CAMTA1: variants seen among roughly 807,000 people sequenced by gnomAD.
CAMTA1 encodes calmodulin binding transcription activator 1.
In CAMTA1, 27 loss-of-function variants were observed where a neutral mutation model predicts 170.9. That is an observed-to-expected ratio of 0.16 (90% CI 0.12 to 0.22). The LOEUF (loss-of-function observed/expected upper bound fraction) is 0.22, where lower values mean the gene tolerates loss of function less well. CAMTA1 is among the 10% of genes least tolerant of loss of function. The probability of loss-of-function intolerance (pLI) is 1.00; values close to 1 mark genes in which losing one functional copy is unlikely to be tolerated. For synonymous variants in CAMTA1, 833 were observed against 891.5 expected, an observed-to-expected ratio of 0.93 and a Z score of 1.17; for missense variants, 1,619 against 2,217.2, an observed-to-expected ratio of 0.73 and a Z score of 5.42.
At chr1:7,052,084 G>T (rs1706474428) in intron 3 of CAMTA1, among the ~76,000 whole-genome samples, 1 of 140,640 alleles carries the variant, frequency 7.1e-6, no homozygotes, top group Non-Finnish European at 1.6e-5. Flanking sequence ...GGGGCGGGGG[G>T]GTGGGTATCC....
At chr1:7,021,006 C>T (rs78342053) in intron 3 of CAMTA1, among the ~76,000 whole-genome samples, 4,267 of 152,354 alleles carry the variant, frequency 0.028, 74 homozygotes, top group African/African-American at 0.044. Context: ...TGGGCCACCC[C>T]GGCCTCGGTG....
chr1:7,265,489 T>G (rs1574303374), intron 5 of CAMTA1, among the ~76,000 whole-genome samples: 1 of 152,078 alleles, frequency 6.6e-6, no homozygotes, highest in South Asian at 2.1e-4. Flanking sequence ...AATTTTTGTA[T>G]TTTTAGTAAA....
chr1:7,583,778 AG>A (rs113103041), intron 6 of CAMTA1, among the ~76,000 whole-genome samples: 1 of 152,088 alleles, frequency 6.6e-6, no homozygotes, highest in Non-Finnish European at 1.5e-5. Flanking sequence ...AGGAAGACAC[AG>A]GGGGGTTCAA....
intron 5 of CAMTA1, among the ~76,000 whole-genome samples, chr1:7,361,564 A>T (rs969382673): frequency 1.3e-5 from 2 of 152,192 alleles, no homozygotes; most frequent in African/African-American, 4.8e-5. Flanking sequence ...GAACCAGAAT[A>T]TCCAGGTCCT....
chr1:7,586,825 A>C lies in CAMTA1; in HGVS notation c.511-53575A>C, dbSNP rs573599007. Among the ~76,000 whole-genome samples the C allele has an allele frequency of 6.5e-4, 99 of 152,192 alleles. 1 individual carries two copies. Among genetic ancestry groups the C allele is most frequent in the African/African-American group, 2.3e-3 (95 of 41,484 alleles). ...GCTGTGCAGGGGTCATGTGGCTCCCACGGTGGCTGCGGTGGAACTGAGGTG... is the reference window on the plus strand; with the variant it reads ...GCTGTGCAGGGGTCATGTGGCTCCCCCGGTGGCTGCGGTGGAACTGAGGTG... On this transcript the variant is annotated intron_variant, in intron 6 of 22. Transcript: ENST00000303635.
At chr1:7,388,883 G>A (rs11120907) in intron 5 of CAMTA1, among the ~76,000 whole-genome samples, 1 of 152,172 alleles carries the variant, frequency 6.6e-6, no homozygotes, top group African/African-American at 2.4e-5. Flanking sequence ...CCAGAGCCAG[G>A]GTGTGCCCAG....
intron 3 of CAMTA1, among the ~76,000 whole-genome samples, chr1:7,023,411 C>T (rs1701635025): frequency 1.3e-5 from 2 of 152,218 alleles, no homozygotes; most frequent in Admixed American, 1.3e-4. Flanking sequence ...AATTACAAAG[C>T]AGACTAGCAA....
chr1:7,020,580 G>T (rs1701200168), intron 3 of CAMTA1, among the ~76,000 whole-genome samples: 2 of 152,358 alleles, frequency 1.3e-5, no homozygotes, highest in Non-Finnish European at 2.9e-5. Flanking sequence ...CAGATAAATT[G>T]ACAAATGATT....
At chr1:7,218,445 G>A (rs185828448) in intron 4 of CAMTA1, among the ~76,000 whole-genome samples, 54 of 152,262 alleles carry the variant, frequency 3.5e-4, no homozygotes, top group East Asian at 1.9e-3. Flanking sequence ...GTGCAGCGAA[G>A]TGCAGTTTCT....
Position 7,146,364 on chromosome 1 carries a change from G to A in CAMTA1, c.302+54993G>A, listed in dbSNP as rs1361499822. 6.6e-6 allele frequency among the ~76,000 whole-genome samples: 1 copy of A among 152,206 alleles called. No homozygotes were observed. The highest frequency in any genetic ancestry group is 2.4e-5 in the African/African-American group (1 of 41,450). On this transcript the variant is annotated intron_variant, in intron 4 of 22. Coordinates refer to ENST00000303635, the MANE Select transcript of CAMTA1 (RefSeq NM_015215.4). This position sits in a 1 kb window ranked among gnomAD's most constrained non-coding sequence, Gnocchi z 4.3. ...TCCTGGAGGGGGAAGAAGCACGTATGAAAGAAGTGAAGAGATAAGAATGTG... is the reference window on the plus strand; with the variant it reads ...TCCTGGAGGGGGAAGAAGCACGTATAAAAGAAGTGAAGAGATAAGAATGTG...
At chr1:7,302,182 C>CT (rs1422669703) in intron 5 of CAMTA1, among the ~76,000 whole-genome samples, 1 of 152,148 alleles carries the variant, frequency 6.6e-6, no homozygotes, top group Admixed American at 6.5e-5. Context: ...GGTCTCTTGC[C>CT]TTAATCATTC....
intron 4 of CAMTA1, among the ~76,000 whole-genome samples, chr1:7,139,132 TATAA>T (rs1346452685): frequency 3.6e-5 from 3 of 83,908 alleles, no homozygotes; most frequent in African/African-American, 1.8e-4. Flanking sequence ...TTTTTATAAA[TATAA>T]ATAAACAAAT....
intron 3 of CAMTA1, among the ~76,000 whole-genome samples, chr1:6,931,421 G>A (rs1684394104): frequency 6.6e-6 from 1 of 152,178 alleles, no homozygotes; most frequent in South Asian, 2.1e-4. Context: ...AGTAATAAAA[G>A]TAGTGGTAAT....
chr1:7,277,456 G>GGT (rs57970990), intron 5 of CAMTA1, among the ~76,000 whole-genome samples: 10,046 of 135,200 alleles, frequency 0.074, 348 homozygotes, highest in African/African-American at 0.086. Context: ...TCCAAGCAAT[G>GGT]GTGTGTGTGT....
chr1:6,790,258 C>G (rs965636374), intron 1 of CAMTA1, among the ~76,000 whole-genome samples: 2 of 151,636 alleles, frequency 1.3e-5, no homozygotes. Context: ...TCTTGTTGAA[C>G]CTTTTTTCCT....
intron 6 of CAMTA1, among the ~76,000 whole-genome samples, chr1:7,481,724 G>C (rs2093538386): frequency 6.6e-6 from 1 of 151,676 alleles, no homozygotes; most frequent in Non-Finnish European, 1.5e-5. Flanking sequence ...TTCAAAGTAA[G>C]CAACAGCCAC....
intron 5 of CAMTA1, among the ~76,000 whole-genome samples, chr1:7,464,540 G>T (rs1233473641): frequency 6.6e-6 from 1 of 152,216 alleles, no homozygotes; most frequent in African/African-American, 2.4e-5. Flanking sequence ...GAGGGCGGTG[G>T]TAGCAGCTAG....
At position 7,309,904 on chromosome 1, in the gene CAMTA1, G is replaced by A. The variant is rs565474566; in HGVS notation, c.438+60278G>A. On this transcript the variant is annotated intron_variant, in intron 5 of 22. Transcript: ENST00000303635. ...TATATATATATAAAACCCCAGTAAG[G>A]AATGTTATAATTTTTGCTTTCAACC... is the stretch of plus-strand genomic sequence containing the variant. 5.3e-5 allele frequency among the ~76,000 whole-genome samples: 8 copies of A among 151,804 alleles called. No individual in the cohort carries two copies. The East Asian group carries it at 1.5e-3, about 29-fold the overall frequency.
At position 7,642,160 on chromosome 1, in the gene CAMTA1, C is replaced by T. The variant is rs148646816; in HGVS notation, c.664+1607C>T. On this transcript the variant is annotated intron_variant, in intron 7 of 22. Coordinates refer to ENST00000303635, the MANE Select transcript of CAMTA1 (RefSeq NM_015215.4). This position sits in a 1 kb window ranked among gnomAD's most constrained non-coding sequence, Gnocchi z 6.3. Reference sequence around the variant, plus strand: ...GTGCCCTGGCCTCCTCGAGCCCCCACGGGGGAGATGTCAGCTTCCCGCGCT... The same window carrying T: ...GTGCCCTGGCCTCCTCGAGCCCCCATGGGGGAGATGTCAGCTTCCCGCGCT... 2.5e-3 allele frequency among the ~76,000 whole-genome samples: 375 copies of T among 152,262 alleles called. 3 individuals are homozygous for T. Among genetic ancestry groups the T allele is most frequent in the Non-Finnish European group, 3.9e-3 (264 of 67,992 alleles).
Sources: gnomAD v4.1 joint callset for allele counts (sites outside exome capture counted in the v4.1 genomes callset) on GRCh38, gnomAD v4.1.1 for gene constraint, Gnocchi (gnomAD v3.1) non-coding constraint, MANE v1.5 for transcripts, NCBI Gene and HGNC (gene_info 2026-07-23, HGNC 2026-07-21) for gene names.